Variants in DMD observed in about 807,000 individuals in gnomAD.
DMD encodes mutant dystrophin.
DMD carries 63 observed loss-of-function variants against 330.1 expected under a neutral mutation model. The observed-to-expected ratio is 0.19, with a 90% CI of 0.16 to 0.24. The LOEUF (loss-of-function observed/expected upper bound fraction) is 0.24, where lower values mean the gene tolerates loss of function less well. DMD is among the 10% of genes least tolerant of loss of function. The probability of loss-of-function intolerance (pLI) is 1.00; values close to 1 mark genes in which losing one functional copy is unlikely to be tolerated. For missense variants in DMD, 3,344 were observed against 2,684.1 expected (o/e 1.25, Z -5.43); for synonymous variants, 1,223 against 959.8 (o/e 1.27, Z -5.07).
At chrX:32,146,352 G>A (rs916183845) in intron 44 of DMD, among the ~76,000 whole-genome samples, 3 of 111,536 alleles carry the variant, frequency 2.7e-5, no homozygotes, top group Non-Finnish European at 5.7e-5. Context: ...GAGAGGGAGA[G>A]GGAAAGGGAA....
chrX:31,959,765 C>G (rs1028579079), intron 45 of DMD, among the ~76,000 whole-genome samples: 10 of 91,125 alleles, frequency 1.1e-4, no homozygotes, highest in African/African-American at 3.6e-4. Context: ...TCAACAGCAC[C>G]GTGGTTTTTT....
At chrX:31,321,724 T>G (rs980332305) in intron 62 of DMD, among the ~76,000 whole-genome samples, 1 of 110,243 alleles carries the variant, frequency 9.1e-6, no homozygotes, top group East Asian at 2.8e-4. Flanking sequence ...TTCTTATTCA[T>G]AGATCTGTGC....
intron 7 of DMD, among the ~76,000 whole-genome samples, chrX:32,724,985 C>A (rs771399240): frequency 1.8e-5 from 2 of 111,502 alleles, no homozygotes; most frequent in East Asian, 2.8e-4. Context: ...CAGCTTAGTG[C>A]GTAAATAACA....
chrX:33,271,971 C>T (rs1297791240), intron 1 of DMD, among the ~76,000 whole-genome samples: 3 of 109,391 alleles, frequency 2.7e-5, no homozygotes, highest in African/African-American at 1.0e-4. Flanking sequence ...GCAACCTCTG[C>T]CTCCTGGGTT....
chrX:32,765,122 A>C (rs1014685610), intron 7 of DMD, among the ~76,000 whole-genome samples: 22 of 110,571 alleles, frequency 2.0e-4, no homozygotes, highest in African/African-American at 7.2e-4. Context: ...CAACTCATTT[A>C]TTCATTTTTT....
At chrX:32,342,356 TTC>T (rs2097748182) in intron 40 of DMD, 74 bp from the exon 41 acceptor site, 1 of 1,081,194 alleles carries the variant, frequency 9.2e-7, no homozygotes. Flanking sequence ...CAGCAAATAC[TTC>T]TCTCAAAATT....
chrX:31,878,561 G>T (rs754027140), intron 47 of DMD, among the ~76,000 whole-genome samples: 1 of 111,745 alleles, frequency 8.9e-6, no homozygotes, highest in Non-Finnish European at 1.9e-5. Flanking sequence ...ACGACCAAAA[G>T]AGCCATAGGC....
intron 1 of DMD, among the ~76,000 whole-genome samples, chrX:33,244,449 G>T (rs2052635306): frequency 8.9e-6 from 1 of 111,851 alleles, no homozygotes; most frequent in Non-Finnish European, 1.9e-5. Context: ...ATGGTATCAG[G>T]TTAGCTTGGT....
At chrX:32,220,512 C>A (rs1047743253) in intron 43 of DMD, among the ~76,000 whole-genome samples, 1 of 111,127 alleles carries the variant, frequency 9.0e-6, no homozygotes, top group African/African-American at 3.3e-5. Context: ...TTTTAAAATA[C>A]ACTTTTCAGT....
chrX:31,785,908 C>T (rs1010921890), intron 50 of DMD, among the ~76,000 whole-genome samples: 1 of 112,005 alleles, frequency 8.9e-6, no homozygotes, highest in African/African-American at 3.2e-5. Flanking sequence ...CTGCAACAAA[C>T]GTACGTGTGC....
At chrX:32,621,485 C>T (rs753365656) in intron 11 of DMD, among the ~76,000 whole-genome samples, 4 of 101,751 alleles carry the variant, frequency 3.9e-5, no homozygotes, top group Non-Finnish European at 4.0e-5. Context: ...GTTTTATCTT[C>T]TTTTTTTTTT....
At chrX:32,845,555 A>C (rs2080579676) in intron 3 of DMD, among the ~76,000 whole-genome samples, 1 of 111,381 alleles carries the variant, frequency 9.0e-6, no homozygotes, top group Admixed American at 9.5e-5. Context: ...TTGCCCAGAG[A>C]AATCTAACCT....
intron 13 of DMD, among the ~76,000 whole-genome samples, chrX:32,586,055 T>C (rs1336300593): frequency 3.6e-5 from 4 of 111,532 alleles, no homozygotes; most frequent in Non-Finnish European, 5.6e-5. Context: ...AACATTTATT[T>C]ATACTTGATA....
intron 4 of DMD, among the ~76,000 whole-genome samples, chrX:32,843,444 GAC>G (rs1265123426): frequency 6.3e-5 from 7 of 111,568 alleles, no homozygotes; most frequent in Non-Finnish European, 1.3e-4. Flanking sequence ...TTCTTCCTAA[GAC>G]AAACATCTCT....
At chrX:32,143,801 C>T (rs760410733) in intron 44 of DMD, among the ~76,000 whole-genome samples, 4 of 109,158 alleles carry the variant, frequency 3.7e-5, no homozygotes, top group South Asian at 4.0e-4. Flanking sequence ...CCGCCCGCCT[C>T]GGCCTCCCAA....
chrX:32,500,030 C>A (rs1009382385), intron 19 of DMD, among the ~76,000 whole-genome samples: 3 of 110,553 alleles, frequency 2.7e-5, no homozygotes, highest in East Asian at 5.7e-4. Flanking sequence ...AAACTTGAGC[C>A]TAATGACGTA....
chrX:32,943,135 A>C (rs1164180275), intron 2 of DMD, among the ~76,000 whole-genome samples: 1 of 111,477 alleles, frequency 9.0e-6, no homozygotes, highest in Non-Finnish European at 1.9e-5. Flanking sequence ...AAAGAGAATG[A>C]CTCAAATATC....
At chrX:31,755,621 C>T (rs950134278) in intron 51 of DMD, among the ~76,000 whole-genome samples, 7 of 110,696 alleles carry the variant, frequency 6.3e-5, no homozygotes, top group Non-Finnish European at 1.3e-4. Flanking sequence ...CATAACACCA[C>T]GTAAGCCACA....
intron 11 of DMD, among the ~76,000 whole-genome samples, chrX:32,614,876 G>GT (rs1179366867): frequency 0.012 from 1,247 of 103,837 alleles, 14 homozygotes; most frequent in African/African-American, 0.038. Context: ...CTGGACTTGT[G>GT]TTTTTTTTTT....
Sources: gnomAD v4.1 joint callset for allele counts (sites outside exome capture counted in the v4.1 genomes callset) on GRCh38, gnomAD v4.1.1 for gene constraint, MANE v1.5 for transcripts, NCBI Gene and HGNC (gene_info 2026-07-23, HGNC 2026-07-21) for gene names.